PCNX2: variants seen among roughly 807,000 people sequenced by gnomAD.
PCNX2 encodes pecanex-like protein 2.
PCNX2 carries 168 observed loss-of-function variants against 223.8 expected under a neutral mutation model. The observed-to-expected ratio is 0.75, with a 90% CI of 0.66 to 0.85. The LOEUF (loss-of-function observed/expected upper bound fraction) is 0.85. Among genes scored for constraint, PCNX2 ranks in the 40% least tolerant of loss-of-function variants. The pLI is 0.00. For missense variants in PCNX2, 2,507 were observed against 2,675.5 expected (o/e 0.94, Z 1.39); for synonymous variants, 1,006 against 1,052.6 (o/e 0.96, Z 0.86).
chr1:233,232,494 C>T (rs949917187), intron 9 of PCNX2, among the ~76,000 whole-genome samples: 8 of 152,142 alleles, frequency 5.3e-5, no homozygotes, highest in Non-Finnish European at 1.0e-4. Flanking sequence ...AGTTGAGGAA[C>T]ATCCATATTT....
chr1:233,004,040 A>T (rs1670188751), intron 28 of PCNX2, among the ~76,000 whole-genome samples: 1 of 152,126 alleles, frequency 6.6e-6, no homozygotes, highest in Admixed American at 6.5e-5. Flanking sequence ...CATTAGGAGA[A>T]ATAACTAATG....
At chr1:233,142,143 T>C (rs1019486960) in intron 19 of PCNX2, among the ~76,000 whole-genome samples, 16 of 152,198 alleles carry the variant, frequency 1.1e-4, no homozygotes, top group African/African-American at 3.9e-4. Flanking sequence ...TGTTATTTCA[T>C]AATGAATGTT....
At chr1:233,162,300 T>C (rs997425269) in intron 17 of PCNX2, among the ~76,000 whole-genome samples, 7 of 152,186 alleles carry the variant, frequency 4.6e-5, no homozygotes, top group African/African-American at 1.7e-4. Context: ...TACACAATTA[T>C]TGATCATTTG....
chr1:233,024,217 A>G (rs1671004988), intron 26 of PCNX2, among the ~76,000 whole-genome samples: 1 of 152,202 alleles, frequency 6.6e-6, no homozygotes, highest in Admixed American at 6.5e-5. Flanking sequence ...GTCTGGATTT[A>G]TTCCAAATTT....
At chr1:233,324,625 G>C in the PCNX2 span, among the ~76,000 whole-genome samples, 1 of 144,976 alleles carries the variant, frequency 6.9e-6, no homozygotes, top group African/African-American at 2.6e-5. Flanking sequence ...TTTTGAGACG[G>C]AGTCTTGCTC....
At chr1:233,182,133 C>A (rs981932357) in intron 15 of PCNX2, among the ~76,000 whole-genome samples, 1 of 152,116 alleles carries the variant, frequency 6.6e-6, no homozygotes, top group Non-Finnish European at 1.5e-5. Flanking sequence ...TCTTCTTTAA[C>A]AAGGGAAAAC....
In PCNX2 at chr1:233,257,970, C is replaced by G; in HGVS notation, c.1834+58G>C. Reference sequence around the variant, plus strand: ...AAATCAAATTACACAAGGCAAATGGCAAAAAGGTGTATTGCCTTCTATGTC... The same window carrying G: ...AAATCAAATTACACAAGGCAAATGGGAAAAAGGTGTATTGCCTTCTATGTC... On this transcript the variant is annotated intron_variant, in intron 5 of 33. Coordinates refer to ENST00000258229, the MANE Select transcript of PCNX2 (RefSeq NM_014801.4). The G allele has an allele frequency of 2.0e-6, 3 of 1,537,984 alleles. No individual in the cohort carries two copies. In the South Asian group the frequency reaches 3.8e-5, roughly 19 times the overall value.
rs993194060 is a variant in PCNX2 at position 233,289,221 on chromosome 1, T to C, written c.153+6105A>G. The C allele has an allele frequency of 2.8e-5, 25 of 883,188 alleles. No homozygotes were observed. In the East Asian group the frequency reaches 6.0e-4, roughly 21 times the overall value. 54.7% of individuals were successfully genotyped at this position (883,188 alleles called of 1,614,324 possible). A position where few individuals can be genotyped will look rare whatever the true frequency, so the allele number is the denominator to read the frequency against. On this transcript the variant is annotated intron_variant, in intron 1 of 33. Transcript: ENST00000258229. ...CTCCAATTCACATACTAGCCGGACTTGGATTTTCTGGAAAGATTTCAGTTG... is the reference window on the plus strand; with the variant it reads ...CTCCAATTCACATACTAGCCGGACTCGGATTTTCTGGAAAGATTTCAGTTG...
chr1:233,031,785 C>T lies in PCNX2; in HGVS notation c.4352-6386G>A, dbSNP rs970820460. 5.4e-4 allele frequency: 508 copies of T among 935,166 alleles called. No homozygotes were observed. In the African/African-American group the frequency reaches 9.1e-3, roughly 17 times the overall value. 57.9% of individuals were successfully genotyped at this position (935,166 alleles called of 1,614,324 possible). A position where few individuals can be genotyped will look rare whatever the true frequency, so the allele number is the denominator to read the frequency against. On this transcript the variant is annotated intron_variant, in intron 25 of 33. Transcript: ENST00000258229. ...GCTTTGGCTCTTGGCTGAAAGCATT[C>T]TTTTTTTTTTTTTTTTTTAAACATT... is the stretch of plus-strand genomic sequence containing the variant.
At chr1:233,239,045 A>G (rs1411856406) in intron 8 of PCNX2, among the ~76,000 whole-genome samples, 4 of 152,222 alleles carry the variant, frequency 2.6e-5, no homozygotes, top group Non-Finnish European at 5.9e-5. Context: ...GTCATTTCAC[A>G]TCGAAATACA....
chr1:233,305,313 A>T, the PCNX2 span, among the ~76,000 whole-genome samples: 7 of 152,244 alleles, frequency 4.6e-5, no homozygotes, highest in African/African-American at 1.7e-4. Context: ...AGGAAATGAG[A>T]TAAAATGGAG....
chr1:233,312,191 G>T, the PCNX2 span, among the ~76,000 whole-genome samples: 4 of 152,050 alleles, frequency 2.6e-5, no homozygotes, highest in Non-Finnish European at 5.9e-5. Flanking sequence ...CAATAAAATA[G>T]ATAAATTAAT....
chr1:233,160,163 C>T (rs1678378056), intron 19 of PCNX2, 120 bp downstream of exon 19: 3 of 1,098,358 alleles, frequency 2.7e-6, no homozygotes, highest in Non-Finnish European at 3.9e-6. Flanking sequence ...TACCATCTGC[C>T]ATTTTCAAGT....
rs780287141 is a variant in PCNX2 at position 233,095,129 on chromosome 1, T to C, written c.3946+626A>G. ...CCCACGCGTGCACATATATAAAACT[T>C]AGCTATCAATGTCAAAGTGATGTTT... is the stretch of plus-strand genomic sequence containing the variant. On this transcript the variant is annotated intron_variant, in intron 22 of 33. Coordinates refer to ENST00000258229, the MANE Select transcript of PCNX2 (RefSeq NM_014801.4). Among the ~76,000 whole-genome samples the C allele has an allele frequency of 3.5e-4, 54 of 152,296 alleles. 1 individual carries two copies. The highest frequency in any genetic ancestry group is 3.3e-3 in the Admixed American group (51 of 15,298).
intron 13 of PCNX2, among the ~76,000 whole-genome samples, chr1:233,204,954 A>G (rs1681357959): frequency 6.6e-6 from 1 of 152,270 alleles, no homozygotes; most frequent in Non-Finnish European, 1.5e-5. Context: ...ATAAAATAAA[A>G]TAAGAATATG....
At chr1:233,266,948 A>C (rs1660365719) in intron 1 of PCNX2, among the ~76,000 whole-genome samples, 1 of 151,840 alleles carries the variant, frequency 6.6e-6, no homozygotes, top group Non-Finnish European at 1.5e-5. Context: ...CATTGGACCC[A>C]CCTCTGTCTG....
In PCNX2 at chr1:233,155,410, T is replaced by C. The variant is rs114298055; in HGVS notation, c.3517+4873A>G. On this transcript the variant is annotated intron_variant, in intron 19 of 33. Transcript: ENST00000258229. ...ACAGGAACTACATCTTAGTCATTCC[T>C]ACGTCACTGGTTCACAGGGCTTGGC... Among the ~76,000 whole-genome samples the C allele has an allele frequency of 8.7e-3, 1,329 of 152,328 alleles. 18 individuals are homozygous for C. The highest frequency in any genetic ancestry group is 0.03 in the African/African-American group (1,246 of 41,564).
rs751170553 is a variant in PCNX2 at position 232,998,267 on chromosome 1, T to C, written c.5775A>G (p.Glu1925=). 3 of 1,585,674 alleles carry C rather than the reference T, an allele frequency of 1.9e-6. No homozygotes were observed. The highest frequency in any genetic ancestry group is 1.4e-5 in the African/African-American group (1 of 73,736). The change falls in exon 32 of 34, where the codon GAA becomes GAG. Residue 1925 remains glutamate, a synonymous_variant. Coordinates refer to ENST00000258229, the MANE Select transcript of PCNX2 (RefSeq NM_014801.4). ...TGCACCCACCTGTTCTCTGTGTCCC[T>C]TCACAGGATGACACCCCGTGCTGAG... The part of the protein sequence containing the change: ...GGAQHGVSSC[E]GTQRTGRRKG...
intron 10 of PCNX2, among the ~76,000 whole-genome samples, chr1:233,219,409 T>A (rs1043686571): frequency 2.6e-5 from 4 of 151,936 alleles, no homozygotes; most frequent in African/African-American, 9.7e-5. Context: ...TGGAAGGAAG[T>A]GGCAGAAATG....
Sources: gnomAD v4.1 joint callset for allele counts (sites outside exome capture counted in the v4.1 genomes callset) on GRCh38, gnomAD v4.1.1 for gene constraint, MANE v1.5 for transcripts, NCBI Gene and HGNC (gene_info 2026-07-23, HGNC 2026-07-21) for gene names.